The following ANKRD44 variants were observed in gnomAD, a reference collection of about 807,000 sequenced individuals.
ANKRD44 encodes the protein serine/threonine-protein phosphatase 6 regulatory ankyrin repeat subunit B.
In ANKRD44, 35 loss-of-function variants were observed where a neutral mutation model predicts 116.0. The observed-to-expected ratio is 0.30, with a 90% CI of 0.23 to 0.40. The LOEUF is 0.40. Ranked by LOEUF, ANKRD44 falls within the 10% of genes least tolerant of loss-of-function variation. The probability of loss-of-function intolerance (pLI) is 1.00; values close to 1 mark genes in which losing one functional copy is unlikely to be tolerated. For synonymous variants in ANKRD44, 435 were observed against 461.8 expected (o/e 0.94, Z 0.74); for missense variants, 1,014 against 1,242.6 (o/e 0.82, Z 2.77).
At chr2:197,074,991 T>C (rs1027982957) in intron 16 of ANKRD44, among the ~76,000 whole-genome samples, 3 of 152,104 alleles carry the variant, frequency 2.0e-5, no homozygotes, top group Non-Finnish European at 4.4e-5. Flanking sequence ...AGTAGGGGCA[T>C]TTGTCACCCC....
chr2:197,237,602 G>A lies in ANKRD44; in HGVS notation c.28-50496C>T, dbSNP rs367796594. ...CACACCCATTGTCCACCCCATAAACGTCTAAATGACAGCTAATATACAACA... is the reference window on the plus strand; with the variant it reads ...CACACCCATTGTCCACCCCATAAACATCTAAATGACAGCTAATATACAACA... On this transcript the variant is annotated intron_variant, in intron 1 of 27. Coordinates refer to ENST00000282272, the MANE Select transcript of ANKRD44 (RefSeq NM_001195144.2). 1.4e-4 allele frequency among the ~76,000 whole-genome samples: 21 copies of A among 152,212 alleles called. No individual in the cohort carries two copies. The East Asian group carries it at 2.1e-3, about 15-fold the overall frequency.
intron 1 of ANKRD44, among the ~76,000 whole-genome samples, chr2:197,241,538 T>A (rs1019026464): frequency 6.6e-6 from 1 of 152,204 alleles, no homozygotes; most frequent in African/African-American, 2.4e-5. Context: ...TCCAGAAGTT[T>A]ATGGTAATTT....
At chr2:197,139,648 G>GATATAGATATAGATATAGATATAT (rs1262162229) in intron 3 of ANKRD44, among the ~76,000 whole-genome samples, 1 of 151,192 alleles carries the variant, frequency 6.6e-6, no homozygotes, top group East Asian at 1.9e-4. Flanking sequence ...TATAGATATA[G>GATATAGATATAGATATAGATATAT]ATATATATAT....
intron 1 of ANKRD44, among the ~76,000 whole-genome samples, chr2:197,217,643 C>A (rs1168582118): frequency 6.6e-6 from 1 of 152,164 alleles, no homozygotes; most frequent in Non-Finnish European, 1.5e-5. Context: ...GACTTTCCCC[C>A]TTTTGTGCAG....
chr2:197,273,981 ATATATATATATATATATATATAT>A (rs2082991533), intron 1 of ANKRD44, among the ~76,000 whole-genome samples: 5 of 23,992 alleles, frequency 2.1e-4, no homozygotes, highest in African/African-American at 6.8e-4. Flanking sequence ...AAAAAAAAAA[ATATATATATATATATATATATAT>A]ATATATATAT....
intron 16 of ANKRD44, among the ~76,000 whole-genome samples, chr2:197,050,480 G>T (rs2077086546): frequency 6.6e-6 from 1 of 151,608 alleles, no homozygotes; most frequent in African/African-American, 2.4e-5. Context: ...TGGAGTGCAG[G>T]GGTGTGATCT....
At chr2:197,289,275 G>C (rs2083492350) in intron 1 of ANKRD44, among the ~76,000 whole-genome samples, 1 of 152,180 alleles carries the variant, frequency 6.6e-6, no homozygotes, top group Non-Finnish European at 1.5e-5. Flanking sequence ...CTAATTCCAA[G>C]TGTTGACAAG....
At position 196,988,938 on chromosome 2, in the gene ANKRD44, T is replaced by C. The variant is rs927916110; in HGVS notation, c.*653A>G. On this transcript the variant is annotated 3_prime_UTR_variant, in exon 28 of 28. Coordinates refer to ENST00000282272, the MANE Select transcript of ANKRD44 (RefSeq NM_001195144.2). ...GATCCACTACACATCTGAGTTTTCATCTCGCAGAAGGGCATCCAGACTGCA... is the reference window on the plus strand; with the variant it reads ...GATCCACTACACATCTGAGTTTTCACCTCGCAGAAGGGCATCCAGACTGCA... The C allele has an allele frequency of 1.0e-6, 1 of 985,320 alleles. No individual in the cohort carries two copies. Among genetic ancestry groups the C allele is most frequent in the Non-Finnish European group, 1.2e-6 (1 of 829,960 alleles). 61.0% of individuals were successfully genotyped at this position (985,320 alleles called of 1,614,324 possible). A position where few individuals can be genotyped will look rare whatever the true frequency, so the allele number is the denominator to read the frequency against.
intron 1 of ANKRD44, among the ~76,000 whole-genome samples, chr2:197,193,753 T>C (rs2080880435): frequency 6.6e-6 from 1 of 151,702 alleles, no homozygotes. Flanking sequence ...CTGGTGGCGG[T>C]CGCCCGTAGT....
At chr2:197,050,699 AG>A (rs1293329763) in intron 16 of ANKRD44, among the ~76,000 whole-genome samples, 1 of 152,138 alleles carries the variant, frequency 6.6e-6, no homozygotes, top group African/African-American at 2.4e-5. Flanking sequence ...CTGGCATTAC[AG>A]GTGTGAGCCA....
intron 16 of ANKRD44, among the ~76,000 whole-genome samples, chr2:197,031,877 T>C (rs537710490): frequency 6.6e-6 from 1 of 152,226 alleles, no homozygotes; most frequent in East Asian, 1.9e-4. Context: ...GCAAATAACT[T>C]CAAAACCAAT....
At chr2:197,005,975 T>C in intron 20 of ANKRD44, 65 bp from the exon 21 acceptor site, 1 of 1,504,516 alleles carries the variant, frequency 6.6e-7, no homozygotes, top group Admixed American at 1.7e-5. Context: ...AGCAGTTGGC[T>C]AAGTGAGGCT....
rs774065986 is a variant in ANKRD44 at position 196,993,551 on chromosome 2, AC to A, written c.2923+31del. The A allele has an allele frequency of 1.7e-4, 256 of 1,509,412 alleles. No homozygotes were observed. In the Middle Eastern group the frequency reaches 3.2e-3, roughly 19 times the overall value. The allele number at this position is 1,509,412 out of a possible 1,614,324, so 93.5% of individuals were successfully genotyped here. ...TGGCTTCAACTAGCTTATGGAAGGT[AC>A]CTGCAGTCGCTGTTGACTTTTTCCA... is the stretch of plus-strand genomic sequence containing the variant. On this transcript the variant is annotated intron_variant, in intron 27 of 27. Coordinates refer to ENST00000282272, the MANE Select transcript of ANKRD44 (RefSeq NM_001195144.2).
intron 1 of ANKRD44, among the ~76,000 whole-genome samples, chr2:197,252,722 T>C (rs948049201): frequency 6.6e-6 from 1 of 152,176 alleles, no homozygotes; most frequent in Admixed American, 6.5e-5. Flanking sequence ...TGTTCAAATA[T>C]TTTAGCTGCA....
intron 8 of ANKRD44, among the ~76,000 whole-genome samples, chr2:197,112,596 T>C (rs904219999): frequency 3.3e-5 from 5 of 151,530 alleles, no homozygotes; most frequent in Admixed American, 2.0e-4. Flanking sequence ...TAGTCCTAGC[T>C]GCTTGGGAGG....
intron 13 of ANKRD44, among the ~76,000 whole-genome samples, chr2:197,084,892 A>G (rs1379846557): frequency 1.3e-5 from 2 of 152,220 alleles, no homozygotes; most frequent in African/African-American, 4.8e-5. Flanking sequence ...AATTCTGTGT[A>G]CATGTATAAA....
At chr2:197,135,393 A>G (rs2079192642) in intron 4 of ANKRD44, 1 of 152,130 alleles carries the variant, frequency 6.6e-6, no homozygotes, top group Admixed American at 6.6e-5. Flanking sequence ...GATAATGGGC[A>G]TCTCCTCTGA....
chr2:197,137,725 A>G (rs1233108931), intron 3 of ANKRD44, among the ~76,000 whole-genome samples: 1 of 152,172 alleles, frequency 6.6e-6, no homozygotes, highest in Non-Finnish European at 1.5e-5. Context: ...CTCCACTTTG[A>G]TTTCATTGGT....
chr2:197,145,214 C>A (rs1381356803), intron 3 of ANKRD44, among the ~76,000 whole-genome samples: 1 of 152,072 alleles, frequency 6.6e-6, no homozygotes, highest in Non-Finnish European at 1.5e-5. Flanking sequence ...TCGCTTGAAC[C>A]CAAGAGGCAG....
Sources: gnomAD v4.1 joint callset for allele counts (sites outside exome capture counted in the v4.1 genomes callset) on GRCh38, gnomAD v4.1.1 for gene constraint, MANE v1.5 for transcripts, NCBI Gene and HGNC (gene_info 2026-07-23, HGNC 2026-07-21) for gene names.